Variants in GRIN2A observed in about 807,000 individuals in gnomAD.
The protein encoded by GRIN2A is glutamate receptor ionotropic, NMDA 2A.
In GRIN2A, 22 loss-of-function variants were observed where a neutral mutation model predicts 113.4. That is an observed-to-expected ratio of 0.19 (90% CI 0.14 to 0.28). The LOEUF (loss-of-function observed/expected upper bound fraction) is 0.28, where lower values mean the gene tolerates loss of function less well. Ranked by LOEUF, GRIN2A falls within the 10% of genes least tolerant of loss-of-function variation. The pLI is 1.00. For missense variants in GRIN2A, 1,502 were observed against 1,887.0 expected, an observed-to-expected ratio of 0.80 and a Z score of 3.78; for synonymous variants, 827 against 738.4, an observed-to-expected ratio of 1.12 and a Z score of -1.94.
intron 2 of GRIN2A, among the ~76,000 whole-genome samples, chr16:9,998,993 G>T (rs548563241): frequency 6.6e-6 from 1 of 152,154 alleles, no homozygotes; most frequent in African/African-American, 2.4e-5. Flanking sequence ...TCAGCTCAGA[G>T]CCAATGGAAG....
chr16:9,915,435 C>G (rs1166649656), intron 3 of GRIN2A, among the ~76,000 whole-genome samples: 7 of 152,150 alleles, frequency 4.6e-5, no homozygotes. Flanking sequence ...GTAGAAAATA[C>G]ATACAAACAA....
chr16:10,045,098 T>A (rs549962063), intron 2 of GRIN2A, among the ~76,000 whole-genome samples: 1 of 152,320 alleles, frequency 6.6e-6, no homozygotes, highest in East Asian at 1.9e-4. Context: ...GATCTTTAGT[T>A]GATGTCATAG....
intron 2 of GRIN2A, among the ~76,000 whole-genome samples, chr16:10,138,589 G>A (rs72776064): frequency 2.0e-5 from 3 of 152,058 alleles, no homozygotes; most frequent in South Asian, 4.2e-4. Context: ...TCCCTGACAC[G>A]TGGGGATTAC....
chr16:10,175,834 G>T (rs2050131577), intron 2 of GRIN2A, among the ~76,000 whole-genome samples: 1 of 152,132 alleles, frequency 6.6e-6, no homozygotes. Context: ...AGGACACTGA[G>T]CAGAAGTGTA....
At chr16:9,903,613 C>G (rs1388952074) in intron 3 of GRIN2A, among the ~76,000 whole-genome samples, 7 of 152,166 alleles carry the variant, frequency 4.6e-5, no homozygotes, top group African/African-American at 1.7e-4. Flanking sequence ...TTCCCTGCAT[C>G]AGGCTTATTG....
At chr16:10,132,261 G>A (rs2049079888) in intron 2 of GRIN2A, among the ~76,000 whole-genome samples, 1 of 149,732 alleles carries the variant, frequency 6.7e-6, no homozygotes, top group Non-Finnish European at 1.5e-5. Context: ...GAACCCGGGA[G>A]GCAGAGGTTG....
chr16:10,107,772 A>G (rs897810058), intron 2 of GRIN2A, among the ~76,000 whole-genome samples: 2 of 152,196 alleles, frequency 1.3e-5, no homozygotes, highest in East Asian at 1.9e-4. Context: ...GCTTCAGGAC[A>G]CTCAACTCAC....
intron 5 of GRIN2A, among the ~76,000 whole-genome samples, chr16:9,843,297 A>G (rs1254385311): frequency 6.6e-6 from 1 of 152,082 alleles, no homozygotes; most frequent in African/African-American, 2.4e-5. Context: ...CATGATATAC[A>G]TCATCTCTAT....
chr16:9,834,532 C>T (rs1200590590), intron 7 of GRIN2A, among the ~76,000 whole-genome samples: 2 of 152,130 alleles, frequency 1.3e-5, no homozygotes, highest in African/African-American at 4.8e-5. Context: ...CAGGCATGTG[C>T]CACCATGCCT....
chr16:9,788,921 T>C (rs1902418430), intron 11 of GRIN2A, among the ~76,000 whole-genome samples: 1 of 152,012 alleles, frequency 6.6e-6, no homozygotes, highest in Non-Finnish European at 1.5e-5. Flanking sequence ...TTTTGTATTT[T>C]TTAGTAGAGA....
chr16:10,018,209 A>T (rs1273726792), intron 2 of GRIN2A, among the ~76,000 whole-genome samples: 1 of 152,236 alleles, frequency 6.6e-6, no homozygotes, highest in Non-Finnish European at 1.5e-5. Flanking sequence ...GGCAAAGCAG[A>T]TGCACGTGGG....
chr16:9,989,773 A>G (rs140784555), intron 2 of GRIN2A, among the ~76,000 whole-genome samples: 264 of 152,318 alleles, frequency 1.7e-3, no homozygotes, highest in Non-Finnish European at 2.8e-3. Flanking sequence ...TGGTCAGCAA[A>G]CATGAAAAAA....
At chr16:10,156,282 A>G (rs1237523454) in intron 2 of GRIN2A, among the ~76,000 whole-genome samples, 4 of 152,272 alleles carry the variant, frequency 2.6e-5, no homozygotes, top group Admixed American at 1.3e-4. Flanking sequence ...GGGCTGCCTG[A>G]TCATCGCATG....
chr16:10,065,211 CA>C (rs2047625750), intron 2 of GRIN2A, among the ~76,000 whole-genome samples: 1 of 152,150 alleles, frequency 6.6e-6, no homozygotes, highest in Non-Finnish European at 1.5e-5. Context: ...AATTATTAAC[CA>C]TCATTAAATG....
At chr16:9,866,961 T>C (rs1054084314) in intron 4 of GRIN2A, among the ~76,000 whole-genome samples, 1 of 152,346 alleles carries the variant, frequency 6.6e-6, no homozygotes, top group East Asian at 1.9e-4. Context: ...CTCATTCAGG[T>C]ATTCTTATGT....
intron 4 of GRIN2A, among the ~76,000 whole-genome samples, chr16:9,859,643 C>CACACAGAG (rs144711120): frequency 8.2e-5 from 12 of 147,010 alleles, no homozygotes; most frequent in African/African-American, 3.0e-4. Context: ...CACACACACA[C>CACACAGAG]AGAGAGGATA....
At chr16:9,902,143 T>G (rs1475481742) in intron 3 of GRIN2A, among the ~76,000 whole-genome samples, 1 of 150,236 alleles carries the variant, frequency 6.7e-6, no homozygotes. Context: ...TAACAGAAAT[T>G]CTATTTTTAG....
intron 4 of GRIN2A, among the ~76,000 whole-genome samples, chr16:9,864,576 C>T (rs903422291): frequency 5.3e-5 from 8 of 152,230 alleles, no homozygotes; most frequent in African/African-American, 1.9e-4. Context: ...CTTGAAGGAT[C>T]TAACAAGTCA....
chr16:10,027,793 T>A (rs1181404853), intron 2 of GRIN2A: 4 of 152,670 alleles, frequency 2.6e-5, no homozygotes, highest in African/African-American at 9.6e-5. Flanking sequence ...AAACCAGAGA[T>A]GATGCTGCAC....
Sources: allele counts gnomAD v4.1 joint callset (sites outside exome capture counted in the v4.1 genomes callset), GRCh38; gene constraint gnomAD v4.1.1; transcripts MANE v1.5; gene names NCBI Gene and HGNC (gene_info 2026-07-23, HGNC 2026-07-21).